Variants in CERKL observed in about 807,000 individuals in gnomAD.
CERKL encodes ceramide kinase-like protein.
CERKL carries 61 observed loss-of-function variants against 63.4 expected under a neutral mutation model. That is an observed-to-expected ratio of 0.96 (90% CI 0.78 to 1.19). The LOEUF (loss-of-function observed/expected upper bound fraction) is 1.19. Among genes scored for constraint, CERKL ranks in the 50% most tolerant of loss-of-function variants. CERKL has a pLI of 0.00. For synonymous variants in CERKL, 250 were observed against 230.5 expected, an observed-to-expected ratio of 1.08 and a Z score of -0.77; for missense variants, 675 against 655.5, an observed-to-expected ratio of 1.03 and a Z score of -0.33.
At chr2:181,622,047 C>A (rs1686478395) in intron 1 of CERKL, among the ~76,000 whole-genome samples, 1 of 152,138 alleles carries the variant, frequency 6.6e-6, no homozygotes, top group Non-Finnish European at 1.5e-5. Flanking sequence ...TCAAAAATAT[C>A]ATTTATATAG....
intron 2 of CERKL, among the ~76,000 whole-genome samples, chr2:181,589,376 G>A (rs556420807): frequency 6.6e-6 from 1 of 152,260 alleles, no homozygotes; most frequent in South Asian, 2.1e-4. Context: ...TATATTTCAA[G>A]TACTGTGTTC....
At chr2:181,544,938 C>T in intron 10 of CERKL, 142 bp from the exon 11 acceptor site, 1 of 539,308 alleles carries the variant, frequency 1.9e-6, no homozygotes, top group Non-Finnish European at 3.3e-6. Flanking sequence ...TTACGTTTAC[C>T]TAAAATTCAT....
chr2:181,609,858 G>T (rs919698917), intron 1 of CERKL, among the ~76,000 whole-genome samples: 8 of 152,082 alleles, frequency 5.3e-5, no homozygotes, highest in Non-Finnish European at 7.3e-5. Context: ...GATAATGGTG[G>T]CATCTAAGCG....
At chr2:181,644,066 T>C (rs560176364) in intron 1 of CERKL, among the ~76,000 whole-genome samples, 1 of 152,388 alleles carries the variant, frequency 6.6e-6, no homozygotes, top group South Asian at 2.1e-4. Context: ...TCTGAAAATA[T>C]CTGATCCAGT....
chr2:181,553,821 G>A (rs1688091863), intron 5 of CERKL, among the ~76,000 whole-genome samples: 4 of 152,090 alleles, frequency 2.6e-5, no homozygotes, highest in Admixed American at 2.6e-4. Flanking sequence ...ATTGCAAAAC[G>A]ATAGCTTGTT....
intron 1 of CERKL, among the ~76,000 whole-genome samples, chr2:181,647,609 T>A (rs556508013): frequency 3.3e-5 from 5 of 152,034 alleles, no homozygotes; most frequent in Non-Finnish European, 7.4e-5. Flanking sequence ...CTAGGACCCA[T>A]CTACAGGAAA....
At position 181,654,073 on chromosome 2, in the gene CERKL, T is replaced by C. The variant is rs558432300; in HGVS notation, c.238+2696A>G. Among the ~76,000 whole-genome samples the C allele has an allele frequency of 5.9e-5, 9 of 152,208 alleles. 1 individual carries two copies. The South Asian group carries it at 1.9e-3, about 32-fold the overall frequency. On this transcript the variant is annotated intron_variant, in intron 1 of 12. Transcript: ENST00000410087. ...TTTTTTTAAACAATTAAAAAGTTATTAGACCAGCTGTTGGATCTGGTTGAG... is the reference window on the plus strand; with the variant it reads ...TTTTTTTAAACAATTAAAAAGTTATCAGACCAGCTGTTGGATCTGGTTGAG...
At chr2:181,567,774 T>C (rs1223988044) in intron 3 of CERKL, among the ~76,000 whole-genome samples, 1 of 152,122 alleles carries the variant, frequency 6.6e-6, no homozygotes, top group Non-Finnish European at 1.5e-5. Context: ...TACAAAACAA[T>C]GTTAGGCAAA....
chr2:181,554,447 A>C (rs1030807655), intron 5 of CERKL, among the ~76,000 whole-genome samples: 1 of 152,208 alleles, frequency 6.6e-6, no homozygotes, highest in Non-Finnish European at 1.5e-5. Flanking sequence ...TTATTTATGC[A>C]AACTCTATAG....
chr2:181,596,104 T>C (rs1213546282), intron 2 of CERKL, among the ~76,000 whole-genome samples: 1 of 152,222 alleles, frequency 6.6e-6, no homozygotes, highest in East Asian at 1.9e-4. Context: ...ACAAAGTTTA[T>C]CTAAATTGTT....
At chr2:181,606,289 G>A (rs1685680218) in intron 1 of CERKL, among the ~76,000 whole-genome samples, 1 of 99,780 alleles carries the variant, frequency 1.0e-5, no homozygotes, top group African/African-American at 4.1e-5. Context: ...AAGACAGGGA[G>A]GGAGGGGGAG....
chr2:181,543,062 G>A (rs1687578585), intron 11 of CERKL, among the ~76,000 whole-genome samples: 1 of 147,604 alleles, frequency 6.8e-6, no homozygotes, highest in Non-Finnish European at 1.5e-5. Context: ...TACTATTTAA[G>A]TTCTCAAATA....
At chr2:181,552,741 A>G (rs928527364) in intron 5 of CERKL, among the ~76,000 whole-genome samples, 1 of 152,188 alleles carries the variant, frequency 6.6e-6, no homozygotes, top group African/African-American at 2.4e-5. Flanking sequence ...ATCTTTATTT[A>G]GCCATTTCAC....
chr2:181,622,438 C>T (rs1336873183), intron 1 of CERKL, among the ~76,000 whole-genome samples: 2 of 152,166 alleles, frequency 1.3e-5, no homozygotes, highest in African/African-American at 4.8e-5. Context: ...AGTGACTACT[C>T]AAAGGCATGT....
chr2:181,654,047 AT>A (rs1410631878), intron 1 of CERKL, among the ~76,000 whole-genome samples: 1 of 152,248 alleles, frequency 6.6e-6, no homozygotes, highest in South Asian at 2.1e-4. Context: ...TGTCAATTAA[AT>A]TTTTTTAAAC....
chr2:181,566,211 A>G (rs1434169966), intron 3 of CERKL, 90 bp from the exon 4 acceptor site: 2 of 922,504 alleles, frequency 2.2e-6, no homozygotes, highest in African/African-American at 3.3e-5. Context: ...AATATGATAA[A>G]CATATGGTCA....
chr2:181,611,549 G>T (rs1481642068), intron 1 of CERKL, among the ~76,000 whole-genome samples: 1 of 151,966 alleles, frequency 6.6e-6, no homozygotes, highest in Admixed American at 6.6e-5. Context: ...GCTGGGCATG[G>T]TGGTGCTTTC....
intron 1 of CERKL, among the ~76,000 whole-genome samples, chr2:181,639,509 G>A (rs924726044): frequency 1.3e-5 from 2 of 152,144 alleles, no homozygotes; most frequent in Non-Finnish European, 2.9e-5. Flanking sequence ...AACTGGAAGT[G>A]GCCAGAGAAA....
At chr2:181,599,981 C>T (rs1171034401) in intron 2 of CERKL, among the ~76,000 whole-genome samples, 1 of 152,078 alleles carries the variant, frequency 6.6e-6, no homozygotes, top group Non-Finnish European at 1.5e-5. Flanking sequence ...AAAGGAAATC[C>T]AATCAGACTA....
Sources: allele counts gnomAD v4.1 joint callset (sites outside exome capture counted in the v4.1 genomes callset), GRCh38; gene constraint gnomAD v4.1.1; transcripts MANE v1.5; gene names NCBI Gene and HGNC (gene_info 2026-07-23, HGNC 2026-07-21).